PTPRD: variants seen among roughly 807,000 people sequenced by gnomAD.
PTPRD encodes receptor-type tyrosine-protein phosphatase delta.
PTPRD carries 34 observed loss-of-function variants against 214.5 expected under a neutral mutation model. The observed-to-expected ratio is 0.16, with a 90% CI of 0.12 to 0.21. The LOEUF is 0.21. Among genes scored for constraint, PTPRD ranks in the 10% least tolerant of loss-of-function variants. The pLI, the probability that PTPRD is intolerant of heterozygous loss-of-function variation, is 1.00. For missense variants in PTPRD, 2,545 were observed against 2,398.7 expected (o/e 1.06, Z -1.27); for synonymous variants, 1,128 against 845.7 (o/e 1.33, Z -5.79).
chr9:9,852,114 T>C (rs968450833), intron 5 of PTPRD, among the ~76,000 whole-genome samples: 2 of 152,128 alleles, frequency 1.3e-5, no homozygotes, highest in African/African-American at 4.8e-5. Flanking sequence ...CATTAAAATG[T>C]TCTCGGAAAG....
At chr9:10,485,839 T>C (rs1241317738) in intron 2 of PTPRD, among the ~76,000 whole-genome samples, 1 of 152,144 alleles carries the variant, frequency 6.6e-6, no homozygotes, top group Non-Finnish European at 1.5e-5. Context: ...CTGCATACAA[T>C]TGAAATAGAT....
chr9:9,072,123 A>G (rs635725), intron 10 of PTPRD, among the ~76,000 whole-genome samples: 111,085 of 151,728 alleles, frequency 0.73, 40,924 homozygotes, highest in Non-Finnish European at 0.78. Flanking sequence ...ACATAGTGTT[A>G]CCAAACTTTA....
chr9:9,204,758 C>G (rs1056311166), intron 9 of PTPRD, among the ~76,000 whole-genome samples: 1 of 152,082 alleles, frequency 6.6e-6, no homozygotes, highest in East Asian at 1.9e-4. Context: ...TAGCTTTTGA[C>G]ACAGATTTAC....
intron 5 of PTPRD, among the ~76,000 whole-genome samples, chr9:9,865,883 T>C (rs908740473): frequency 6.6e-6 from 1 of 152,224 alleles, no homozygotes; most frequent in Non-Finnish European, 1.5e-5. Context: ...GTCGTTTTTA[T>C]CTGTAAGAAT....
chr9:10,154,304 T>C (rs907404412), intron 3 of PTPRD, among the ~76,000 whole-genome samples: 1 of 152,158 alleles, frequency 6.6e-6, no homozygotes, highest in Non-Finnish European at 1.5e-5. Flanking sequence ...CTTTGCCCAC[T>C]TTTTAATGGG....
intron 8 of PTPRD, among the ~76,000 whole-genome samples, chr9:9,510,269 A>T (rs2096668738): frequency 6.6e-6 from 1 of 151,540 alleles, no homozygotes; most frequent in Non-Finnish European, 1.5e-5. Context: ...TTTTGGAACT[A>T]CTTAGAATAG....
chr9:9,088,531 G>T (rs1432538385), intron 10 of PTPRD, among the ~76,000 whole-genome samples: 3 of 128,948 alleles, frequency 2.3e-5, no homozygotes, highest in African/African-American at 8.6e-5. Flanking sequence ...AGTGAGCTGA[G>T]ATTGTGCCAC....
intron 11 of PTPRD, among the ~76,000 whole-genome samples, chr9:8,784,772 C>T (rs2095869606): frequency 1.3e-5 from 2 of 152,138 alleles, no homozygotes; most frequent in South Asian, 2.1e-4. Context: ...TTAAACTCTC[C>T]ATACCAAAAA....
At chr9:9,502,511 A>G (rs1022294095) in intron 8 of PTPRD, among the ~76,000 whole-genome samples, 7 of 151,952 alleles carry the variant, frequency 4.6e-5, no homozygotes, top group East Asian at 1.9e-4. Context: ...GTAAAATGAT[A>G]TAACTCTTTG....
chr9:8,894,794 G>C (rs1238888338), intron 11 of PTPRD, among the ~76,000 whole-genome samples: 1 of 151,946 alleles, frequency 6.6e-6, no homozygotes, highest in Non-Finnish European at 1.5e-5. Flanking sequence ...TTGTTTTTAT[G>C]ATATGTCCTT....
intron 9 of PTPRD, among the ~76,000 whole-genome samples, chr9:9,191,394 A>AT (rs2099935075): frequency 6.6e-6 from 1 of 152,056 alleles, no homozygotes; most frequent in Admixed American, 6.6e-5. Context: ...GTCCTGGCTG[A>AT]TACCCTGATT....
intron 12 of PTPRD, among the ~76,000 whole-genome samples, chr9:8,670,890 G>A (rs1206191844): frequency 6.6e-6 from 1 of 152,180 alleles, no homozygotes. Context: ...GTACATTTGA[G>A]AGAGCAGCTG....
chr9:10,326,507 T>C (rs1008509729), intron 3 of PTPRD, among the ~76,000 whole-genome samples: 1 of 151,642 alleles, frequency 6.6e-6, no homozygotes, highest in East Asian at 1.9e-4. Context: ...TATTTATTTG[T>C]TTGTTGTTGT....
At chr9:9,691,872 T>A (rs1052081552) in intron 7 of PTPRD, among the ~76,000 whole-genome samples, 1 of 152,092 alleles carries the variant, frequency 6.6e-6, no homozygotes, top group Non-Finnish European at 1.5e-5. Context: ...TCTCTGATGA[T>A]CAATGATGTT....
chr9:9,383,721 T>C (rs1444157192), intron 9 of PTPRD, among the ~76,000 whole-genome samples: 2 of 152,132 alleles, frequency 1.3e-5, no homozygotes, highest in East Asian at 1.9e-4. Context: ...GGGTAAGTCC[T>C]GCTGCAGTAG....
chr9:8,844,774 A>C (rs1422678961), intron 11 of PTPRD, among the ~76,000 whole-genome samples: 1 of 152,220 alleles, frequency 6.6e-6, no homozygotes, highest in Admixed American at 6.5e-5. Context: ...AGCTCAATTA[A>C]CTGTGGAGCA....
chr9:8,400,044 A>T (rs1221039088), intron 36 of PTPRD, among the ~76,000 whole-genome samples: 1 of 151,916 alleles, frequency 6.6e-6, no homozygotes, highest in East Asian at 1.9e-4. Flanking sequence ...TTGTTGTTGA[A>T]TTGAAAAGCA....
At chr9:10,366,781 G>A (rs777751289) in intron 2 of PTPRD, among the ~76,000 whole-genome samples, 2 of 152,028 alleles carry the variant, frequency 1.3e-5, no homozygotes, top group East Asian at 1.9e-4. Context: ...ATGTTTTGAT[G>A]CCACATACAT....
At chr9:9,323,597 C>A (rs1029470008) in intron 9 of PTPRD, among the ~76,000 whole-genome samples, 14 of 152,144 alleles carry the variant, frequency 9.2e-5, no homozygotes, top group African/African-American at 3.1e-4. Flanking sequence ...ATCATACTAT[C>A]TTATCTCAAA....
Sources: gnomAD v4.1 joint callset for allele counts (sites outside exome capture counted in the v4.1 genomes callset) on GRCh38, gnomAD v4.1.1 for gene constraint, MANE v1.5 for transcripts, NCBI Gene and HGNC (gene_info 2026-07-23, HGNC 2026-07-21) for gene names.